The following FBXO16 variants were observed in gnomAD, a reference collection of about 807,000 sequenced individuals.
The protein encoded by FBXO16 is F-box only protein 16.
Under a neutral mutation model 41.0 loss-of-function variants are expected in FBXO16, and 31 were observed. The observed-to-expected ratio is 0.76, with a 90% CI of 0.57 to 1.02. The LOEUF is 1.02. FBXO16 is among the 50% of genes least tolerant of loss of function. The pLI, the probability that FBXO16 is intolerant of heterozygous loss-of-function variation, is 0.00. For missense variants in FBXO16, 361 were observed against 346.2 expected, an observed-to-expected ratio of 1.04 and a Z score of -0.34; for synonymous variants, 133 against 117.8, an observed-to-expected ratio of 1.13 and a Z score of -0.84.
chr8:28,431,562 T>C (rs73668481), intron 7 of FBXO16, among the ~76,000 whole-genome samples: 3,822 of 152,322 alleles, frequency 0.025, 164 homozygotes, highest in African/African-American at 0.082. Context: ...ATCTTTTCCC[T>C]TGGCTGTGAA....
chr8:28,459,924 T>G (rs1214804923), intron 4 of FBXO16, among the ~76,000 whole-genome samples: 1 of 149,956 alleles, frequency 6.7e-6, no homozygotes, highest in African/African-American at 2.5e-5. Context: ...TACTCGAGAT[T>G]CTGAGGCAAG....
chr8:28,433,070 A>C (rs552612661), intron 7 of FBXO16, among the ~76,000 whole-genome samples: 10,926 of 144,242 alleles, frequency 0.076, 1,361 homozygotes, highest in African/African-American at 0.27. Context: ...AAAAAAAAAA[A>C]AAACAAACAA....
At position 28,458,055 on chromosome 8, in the gene FBXO16, C is replaced by T. The variant is rs79314660; in HGVS notation, c.343-1125G>A. ...TTGTAAGAGTTGCAAAGATGACATACAACCTTCAAGCCCAAATTTCACCCT... is the reference window on the plus strand; with the variant it reads ...TTGTAAGAGTTGCAAAGATGACATATAACCTTCAAGCCCAAATTTCACCCT... On this transcript the variant is annotated intron_variant, in intron 4 of 8. Coordinates refer to ENST00000380254, the MANE Select transcript of FBXO16 (RefSeq NM_172366.4). 4.5e-4 allele frequency among the ~76,000 whole-genome samples: 69 copies of T among 152,304 alleles called. No individual in the cohort carries two copies. The East Asian group carries it at 0.013, about 29-fold the overall frequency.
intron 6 of FBXO16, among the ~76,000 whole-genome samples, chr8:28,450,927 AAAAAAT>A (rs750894735): frequency 3.3e-4 from 51 of 152,312 alleles, no homozygotes; most frequent in Non-Finnish European, 6.2e-4. Flanking sequence ...CCCGTTCTAC[AAAAAAT>A]AAAAATAATA....
intron 3 of FBXO16, chr8:28,465,340 A>G: frequency 2.3e-6 from 1 of 440,044 alleles, no homozygotes; most frequent in East Asian, 7.6e-5. Context: ...AAGGAGAAAT[A>G]GGCCCCGTGT....
intron 7 of FBXO16, among the ~76,000 whole-genome samples, chr8:28,433,723 G>A (rs1299132260): frequency 6.6e-6 from 1 of 152,152 alleles, no homozygotes; most frequent in African/African-American, 2.4e-5. Context: ...TCAGGGCAAT[G>A]GCTGAAACAA....
intron 2 of FBXO16, among the ~76,000 whole-genome samples, chr8:28,478,901 G>A (rs1803465709): frequency 6.6e-6 from 1 of 151,754 alleles, no homozygotes; most frequent in Non-Finnish European, 1.5e-5. Context: ...CATGGGGGCG[G>A]TTTGTCATGG....
At chr8:28,481,869 C>T (rs760884705) in intron 2 of FBXO16, among the ~76,000 whole-genome samples, 1 of 151,132 alleles carries the variant, frequency 6.6e-6, no homozygotes, top group African/African-American at 2.4e-5. Context: ...GCCATTCTTG[C>T]AGGTTGTGTC....
chr8:28,481,358 T>C (rs1339873640), intron 2 of FBXO16, among the ~76,000 whole-genome samples: 2 of 151,808 alleles, frequency 1.3e-5, no homozygotes, highest in South Asian at 2.1e-4. Context: ...GAGCTGGAAG[T>C]AGATAAGCGG....
intron 2 of FBXO16, among the ~76,000 whole-genome samples, chr8:28,478,722 C>T (rs1803461146): frequency 6.6e-6 from 1 of 150,586 alleles, no homozygotes; most frequent in Non-Finnish European, 1.5e-5. Flanking sequence ...ACTCAGGAGG[C>T]TGAGGCAGGA....
At position 28,452,434 on chromosome 8, in the gene FBXO16, C is replaced by G. The variant is rs1354276797; in HGVS notation, c.550G>C (p.Val184Leu). The G allele has an allele frequency of 3.7e-6, 6 of 1,614,046 alleles. No homozygotes were observed. Among genetic ancestry groups the G allele is most frequent in the Non-Finnish European group, 5.1e-6 (6 of 1,180,056 alleles). Residue 184 changes from valine (V) to leucine (L), a missense_variant, in exon 6 of 9, where the codon GTT becomes CTT. Val to Leu is a conservative substitution (Grantham distance 32). Transcript: ENST00000380254. ...DGFVIADVQL[V>L]TSNSPEEKQS... ...TTTTCCTCTGGAGAATTGCTTGTAA[C>G]TAGTTGAACGTCAGCGATTACAAAT...
intron 6 of FBXO16, among the ~76,000 whole-genome samples, chr8:28,447,932 C>T (rs1409406965): frequency 2.0e-5 from 3 of 151,984 alleles, no homozygotes; most frequent in East Asian, 1.9e-4. Flanking sequence ...CCAGCCTGGG[C>T]GACAGAGTGA....
At chr8:28,438,326 T>C (rs1802715204) in intron 7 of FBXO16, among the ~76,000 whole-genome samples, 1 of 151,178 alleles carries the variant, frequency 6.6e-6, no homozygotes, top group South Asian at 2.1e-4. Flanking sequence ...AAAAAATAAA[T>C]AAAATAAAAA....
rs1161382215 is a variant in FBXO16, at chr8:28,460,237, ATATATATATTT to A, written c.343-3318_343-3308del. ...TATATATGTGTGTGTATATATATATATATATATATTTTTTTTTTTTTTTTTTTTTGAGACAA... is the reference window on the plus strand; with the variant it reads ...TATATATGTGTGTGTATATATATATATTTTTTTTTTTTTTTTTTGAGACAA... On this transcript the variant is annotated intron_variant, in intron 4 of 8. Coordinates refer to ENST00000380254, the MANE Select transcript of FBXO16 (RefSeq NM_172366.4). Among the ~76,000 whole-genome samples the A allele has an allele frequency of 5.3e-5, 5 of 94,818 alleles. No homozygotes were observed. In the East Asian group the frequency reaches 1.5e-3, roughly 28 times the overall value. 62.2% of individuals were successfully genotyped at this position (94,818 alleles called of 152,430 possible). A position where few individuals can be genotyped will look rare whatever the true frequency, so the allele number is the denominator to read the frequency against.
intron 3 of FBXO16, among the ~76,000 whole-genome samples, chr8:28,469,300 C>A (rs929216328): frequency 1.3e-5 from 2 of 149,720 alleles, no homozygotes; most frequent in Admixed American, 6.6e-5. Flanking sequence ...GCAACAAGAG[C>A]GAAACCCTGC....
intron 7 of FBXO16, among the ~76,000 whole-genome samples, chr8:28,431,993 A>G (rs1421651867): frequency 7.1e-6 from 1 of 139,974 alleles, no homozygotes; most frequent in Non-Finnish European, 1.5e-5. Context: ...ACTTCCAGTG[A>G]TACTGCATAT....
intron 1 of FBXO16, among the ~76,000 whole-genome samples, chr8:28,488,585 G>A (rs6992823): frequency 0.85 from 128,569 of 151,896 alleles, 54,851 homozygotes; most frequent in Middle Eastern, 0.91. Context: ...TTACAAAGGC[G>A]AGCCACTACC....
chr8:28,447,120 G>A, intron 7 of FBXO16, 51 bp downstream of exon 7: 1 of 1,491,626 alleles, frequency 6.7e-7, no homozygotes, highest in Non-Finnish European at 9.2e-7. Flanking sequence ...TTAGAGATCT[G>A]GAGATTTTCA....
intron 7 of FBXO16, among the ~76,000 whole-genome samples, chr8:28,436,155 C>T (rs563741512): frequency 8.5e-5 from 13 of 152,236 alleles, no homozygotes; most frequent in African/African-American, 2.6e-4. Context: ...GAGGCTGATG[C>T]TAGTCCCAGT....
Sources: allele counts gnomAD v4.1 joint callset (sites outside exome capture counted in the v4.1 genomes callset), GRCh38; gene constraint gnomAD v4.1.1; transcripts MANE v1.5; gene names NCBI Gene and HGNC (gene_info 2026-07-23, HGNC 2026-07-21).